NEXMIF: variants seen among roughly 807,000 people sequenced by gnomAD.
NEXMIF encodes the protein XLMR protein related to neurite extension.
NEXMIF carries 8 observed loss-of-function variants against 62.1 expected under a neutral mutation model. The observed-to-expected ratio is 0.13, with a 90% CI of 0.08 to 0.23. NEXMIF has a LOEUF of 0.23. Among genes scored for constraint, NEXMIF ranks in the 10% least tolerant of loss-of-function variants. The pLI, the probability that NEXMIF is intolerant of heterozygous loss-of-function variation, is 1.00. For missense variants in NEXMIF, 976 were observed against 1,113.3 expected (o/e 0.88, Z 1.75); for synonymous variants, 404 against 416.6 (o/e 0.97, Z 0.37).
intron 1 of NEXMIF, among the ~76,000 whole-genome samples, chrX:74,916,201 C>T (rs2080806209): frequency 8.9e-6 from 1 of 111,792 alleles, no homozygotes; most frequent in Admixed American, 9.5e-5. Context: ...AGAAATGTTG[C>T]CTCAGAATCA....
rs1477676305 is a variant in NEXMIF at position 74,874,264 on chromosome X, T to G, written c.-48+50619A>C. Reference sequence around the variant, plus strand: ...TTAAATAGGGAATCCTTTCCCCATTTCTTGTTTTTCTCAGGTTTGTCAAAG... The same window carrying G: ...TTAAATAGGGAATCCTTTCCCCATTGCTTGTTTTTCTCAGGTTTGTCAAAG... On this transcript the variant is annotated intron_variant, in intron 1 of 3. Coordinates refer to ENST00000055682, the MANE Select transcript of NEXMIF (RefSeq NM_001008537.3). Among the ~76,000 whole-genome samples the G allele has an allele frequency of 6.1e-4, 65 of 105,775 alleles. 1 individual carries two copies. The highest frequency in any genetic ancestry group is 8.8e-4 in the South Asian group (2 of 2,268). 91.9% of individuals were successfully genotyped at this position (105,775 alleles called of 115,157 possible).
chrX:74,810,512 C>T (rs1039272863), intron 1 of NEXMIF, among the ~76,000 whole-genome samples: 17 of 109,237 alleles, frequency 1.6e-4, no homozygotes, highest in African/African-American at 2.3e-4. Flanking sequence ...GGTTCTAGGC[C>T]GGGTGAGGTG....
intron 1 of NEXMIF, among the ~76,000 whole-genome samples, chrX:74,860,554 T>A (rs981891651): frequency 3.6e-5 from 4 of 111,909 alleles, no homozygotes; most frequent in African/African-American, 1.3e-4. Context: ...ATATCAAGCA[T>A]CTTCTCCACC....
intron 1 of NEXMIF, among the ~76,000 whole-genome samples, chrX:74,819,740 G>A (rs1436565974): frequency 2.7e-5 from 3 of 111,930 alleles, no homozygotes; most frequent in Admixed American, 1.9e-4. Context: ...CTGTTGGTGG[G>A]AGTGTAAATT....
intron 1 of NEXMIF, among the ~76,000 whole-genome samples, chrX:74,864,749 C>G (rs968695973): frequency 3.6e-5 from 4 of 110,323 alleles, no homozygotes; most frequent in African/African-American, 1.3e-4. Flanking sequence ...GCTCTTGTTG[C>G]CCAGGCTGGA....
chrX:74,767,959 G>A (rs1273561429), intron 1 of NEXMIF, among the ~76,000 whole-genome samples: 1 of 111,282 alleles, frequency 9.0e-6, no homozygotes, highest in Non-Finnish European at 1.9e-5. Context: ...CTTTTCTAGA[G>A]GTATGTATGG....
chrX:74,880,736 G>C (rs2080659415), intron 1 of NEXMIF, among the ~76,000 whole-genome samples: 1 of 111,908 alleles, frequency 8.9e-6, no homozygotes. Flanking sequence ...CAAAATGAAA[G>C]GGGCTTGAAT....
At chrX:74,792,910 G>C (rs1313010249) in intron 1 of NEXMIF, among the ~76,000 whole-genome samples, 2 of 105,278 alleles carry the variant, frequency 1.9e-5, no homozygotes, top group South Asian at 4.5e-4. Context: ...GTACACTGAT[G>C]GGTCTTGACT....
At chrX:74,885,391 G>C (rs1269379631) in intron 1 of NEXMIF, among the ~76,000 whole-genome samples, 1 of 111,419 alleles carries the variant, frequency 9.0e-6, no homozygotes, top group African/African-American at 3.3e-5. Flanking sequence ...AAAATTGATA[G>C]ACCGCTAGCA....
intron 1 of NEXMIF, among the ~76,000 whole-genome samples, chrX:74,797,259 T>C (rs926332916): frequency 5.4e-5 from 6 of 112,035 alleles, no homozygotes; most frequent in African/African-American, 1.6e-4. Flanking sequence ...TTGGATTGGA[T>C]CCTGATATTT....
At chrX:74,824,734 C>T (rs1005589672) in intron 1 of NEXMIF, among the ~76,000 whole-genome samples, 8 of 108,970 alleles carry the variant, frequency 7.3e-5, no homozygotes, top group Admixed American at 2.0e-4. Flanking sequence ...TAGAAAGCTC[C>T]GCCTCCCGGA....
chrX:74,842,877 T>C (rs1248359096), intron 1 of NEXMIF, among the ~76,000 whole-genome samples: 2 of 112,016 alleles, frequency 1.8e-5, no homozygotes, highest in African/African-American at 6.5e-5. Flanking sequence ...TTGCTGACGA[T>C]TGTTTTATGT....
At chrX:74,760,108 CCCTT>C (rs1352426076) in intron 1 of NEXMIF, among the ~76,000 whole-genome samples, 4 of 110,796 alleles carry the variant, frequency 3.6e-5, no homozygotes, top group East Asian at 2.8e-4. Context: ...TCGTTGACCT[CCCTT>C]GTTAGCTGTA....
chrX:74,905,087 T>G (rs1223750339), intron 1 of NEXMIF, among the ~76,000 whole-genome samples: 1 of 111,526 alleles, frequency 9.0e-6, no homozygotes, highest in East Asian at 2.8e-4. Flanking sequence ...GAAAAAGTAA[T>G]GTACATGTCA....
chrX:74,851,939 A>C (rs2080515388), intron 1 of NEXMIF, among the ~76,000 whole-genome samples: 1 of 111,591 alleles, frequency 9.0e-6, no homozygotes, highest in African/African-American at 3.3e-5. Context: ...ACCAAGTAAA[A>C]TGATAGGAAT....
At chrX:74,858,999 A>C (rs777693103) in intron 1 of NEXMIF, among the ~76,000 whole-genome samples, 1 of 110,445 alleles carries the variant, frequency 9.1e-6, no homozygotes, top group East Asian at 2.9e-4. Context: ...GAAAAGAATG[A>C]TGCATGCCTA....
At chrX:74,873,755 T>G (rs1268037484) in intron 1 of NEXMIF, among the ~76,000 whole-genome samples, 1 of 112,428 alleles carries the variant, frequency 8.9e-6, no homozygotes, top group Admixed American at 9.4e-5. Context: ...ATGATGAGCA[T>G]TTTTTCATGT....
chrX:74,826,952 A>G (rs2080420392), intron 1 of NEXMIF, among the ~76,000 whole-genome samples: 1 of 112,097 alleles, frequency 8.9e-6, no homozygotes, highest in African/African-American at 3.2e-5. Flanking sequence ...ACAGTATAAA[A>G]TTAGTCAAAG....
rs2080100351 is a variant in NEXMIF, at chrX:74,740,873, G to A, written c.3684C>T (p.Tyr1228=). 2.5e-6 allele frequency: 3 copies of A among 1,210,770 alleles called. No homozygotes were observed. The highest frequency in any genetic ancestry group is 2.2e-6 in the Non-Finnish European group (2 of 895,359). The change falls in exon 3 of 4, where the codon TAC becomes TAT. Residue 1228 remains tyrosine (Y), a synonymous_variant. Transcript: ENST00000055682. ...TTTTCTCTCCATTGATGGCAGCCAT[G>A]TATTTCCCTTTCTTTGTGGACTTAG... is the stretch of plus-strand genomic sequence containing the variant. ...QVPKSTKKGK[Y]MAAINGEKMQ... is the part of the protein sequence containing the mutation.
Sources: allele counts gnomAD v4.1 joint callset (sites outside exome capture counted in the v4.1 genomes callset), GRCh38; gene constraint gnomAD v4.1.1; transcripts MANE v1.5; gene names NCBI Gene and HGNC (gene_info 2026-07-23, HGNC 2026-07-21).